CASQ2: variants seen among roughly 807,000 people sequenced by gnomAD.
The protein encoded by CASQ2 is calsequestrin 2, also known as calsequestrin-2.
Under a neutral mutation model 46.5 loss-of-function variants are expected in CASQ2, and 49 were observed. That is an observed-to-expected ratio of 1.05 (90% CI 0.84 to 1.34). CASQ2 has a LOEUF of 1.34. CASQ2 is among the 40% of genes most tolerant of loss of function. CASQ2 has a pLI of 0.00. For synonymous variants in CASQ2, 174 were observed against 168.5 expected, an observed-to-expected ratio of 1.03 and a Z score of -0.25; for missense variants, 486 against 481.3, an observed-to-expected ratio of 1.01 and a Z score of -0.09.
chr1:115,743,982 C>CAAAA (rs11462500), intron 2 of CASQ2, among the ~76,000 whole-genome samples: 1 of 149,116 alleles, frequency 6.7e-6, no homozygotes, highest in African/African-American at 2.5e-5. Context: ...CATAAAAATA[C>CAAAA]AAAAAAAAAA....
chr1:115,739,234 C>T (rs999406654), intron 3 of CASQ2, among the ~76,000 whole-genome samples: 26 of 150,712 alleles, frequency 1.7e-4, no homozygotes, highest in African/African-American at 4.8e-4. Context: ...GCCTTAGCCT[C>T]CCGAGTAGCT....
At chr1:115,708,308 G>A (rs1170313019) in intron 8 of CASQ2, among the ~76,000 whole-genome samples, 1 of 152,142 alleles carries the variant, frequency 6.6e-6, no homozygotes, top group Non-Finnish European at 1.5e-5. Context: ...AAATAAGGTT[G>A]ACATTAAAGC....
intron 1 of CASQ2, among the ~76,000 whole-genome samples, chr1:115,762,153 T>C (rs1360251796): frequency 6.6e-6 from 1 of 152,176 alleles, no homozygotes; most frequent in African/African-American, 2.4e-5. Context: ...TGGTTCAACT[T>C]CCAAGAAGAT....
chr1:115,759,567 T>G (rs1181690916), intron 1 of CASQ2, among the ~76,000 whole-genome samples: 1 of 152,208 alleles, frequency 6.6e-6, no homozygotes, highest in Non-Finnish European at 1.5e-5. Context: ...GTAAACCTCT[T>G]TTTATAGATG....
At chr1:115,732,418 C>T (rs1424909456) in intron 5 of CASQ2, among the ~76,000 whole-genome samples, 2 of 152,216 alleles carry the variant, frequency 1.3e-5, no homozygotes, top group Non-Finnish European at 2.9e-5. Flanking sequence ...TGAATGCAAT[C>T]TCATCCCACC....
At chr1:115,765,639 A>G (rs1052363185) in intron 1 of CASQ2, among the ~76,000 whole-genome samples, 7 of 152,172 alleles carry the variant, frequency 4.6e-5, no homozygotes, top group Non-Finnish European at 8.8e-5. Context: ...TATAGTTCAT[A>G]TGAAATTTTT....
chr1:115,702,828 G>A, intron 10 of CASQ2, 93 bp downstream of exon 10: 1 of 981,216 alleles, frequency 1.0e-6, no homozygotes, highest in Non-Finnish European at 1.6e-6. Context: ...TGAAAAGGCT[G>A]GGCTACTATA....
At chr1:115,736,612 A>C (rs1557796304) in intron 4 of CASQ2, among the ~76,000 whole-genome samples, 2 of 152,146 alleles carry the variant, frequency 1.3e-5, no homozygotes, top group Non-Finnish European at 2.9e-5. Flanking sequence ...ACTCCAGCCT[A>C]GGCAACAGAG....
chr1:115,729,232 T>G (rs1034660870), intron 5 of CASQ2, among the ~76,000 whole-genome samples: 16 of 152,008 alleles, frequency 1.1e-4, no homozygotes, highest in African/African-American at 3.9e-4. Flanking sequence ...GTATTTTTAG[T>G]AGAGATGGGG....
chr1:115,707,346 G>A (rs1249016884), intron 8 of CASQ2, among the ~76,000 whole-genome samples: 1 of 152,150 alleles, frequency 6.6e-6, no homozygotes, highest in Non-Finnish European at 1.5e-5. Flanking sequence ...CTTTATGGCC[G>A]GTGGCCACTT....
At chr1:115,707,448 C>G (rs187501242) in intron 8 of CASQ2, among the ~76,000 whole-genome samples, 1 of 152,230 alleles carries the variant, frequency 6.6e-6, no homozygotes, top group East Asian at 1.9e-4. Flanking sequence ...CGGAGACTGA[C>G]AGGGCCCTAA....
chr1:115,736,402 T>A (rs960327281), intron 4 of CASQ2, among the ~76,000 whole-genome samples: 3 of 151,802 alleles, frequency 2.0e-5, no homozygotes, highest in Non-Finnish European at 4.4e-5. Context: ...TTTGGGAGGC[T>A]GAGGCGGGTG....
chr1:115,739,757 G>A lies in CASQ2; in HGVS notation c.420+971C>T, dbSNP rs566199466. On this transcript the variant is annotated intron_variant, in intron 3 of 10. Coordinates refer to ENST00000261448, the MANE Select transcript of CASQ2 (RefSeq NM_001232.4). ...AAAAATGGAGGCAGTGTCTGGATTCGATCAAGTCTAAAGTCTCCTCTAACT... is the reference window on the plus strand; with the variant it reads ...AAAAATGGAGGCAGTGTCTGGATTCAATCAAGTCTAAAGTCTCCTCTAACT... Among the ~76,000 whole-genome samples the A allele has an allele frequency of 1.1e-4, 17 of 152,306 alleles. No homozygotes were observed. In the East Asian group the frequency reaches 1.9e-3, roughly 17 times the overall value.
intron 1 of CASQ2, among the ~76,000 whole-genome samples, chr1:115,747,315 C>T (rs540575533): frequency 1.3e-5 from 2 of 152,288 alleles, no homozygotes; most frequent in African/African-American, 4.8e-5. Flanking sequence ...TTTCTCGATT[C>T]TGTTCCATTG....
chr1:115,747,694 G>A (rs1315140083), intron 1 of CASQ2, among the ~76,000 whole-genome samples: 1 of 152,068 alleles, frequency 6.6e-6, no homozygotes, highest in African/African-American at 2.4e-5. Context: ...CACACATTTT[G>A]TTAGATTTAT....
chr1:115,718,082 C>A (rs1317109723), intron 7 of CASQ2, among the ~76,000 whole-genome samples, 188 bp from the exon 8 acceptor site: 1 of 152,130 alleles, frequency 6.6e-6, no homozygotes, highest in Non-Finnish European at 1.5e-5. Flanking sequence ...TGAGGAGCAA[C>A]TGCCAGGAAT....
At chr1:115,766,154 T>G (rs1649126684) in intron 1 of CASQ2, among the ~76,000 whole-genome samples, 1 of 152,208 alleles carries the variant, frequency 6.6e-6, no homozygotes, top group Non-Finnish European at 1.5e-5. Flanking sequence ...ACAGCTGGCA[T>G]CATCAGACCC....
At chr1:115,753,161 C>A (rs190583330) in intron 1 of CASQ2, among the ~76,000 whole-genome samples, 1 of 152,112 alleles carries the variant, frequency 6.6e-6, no homozygotes, top group Non-Finnish European at 1.5e-5. Flanking sequence ...CAGCCCAGAC[C>A]CGGAGGTGCT....
chr1:115,708,514 T>C (rs1021498460), intron 8 of CASQ2, among the ~76,000 whole-genome samples: 2 of 152,180 alleles, frequency 1.3e-5, no homozygotes, highest in Non-Finnish European at 2.9e-5. Context: ...GGATGTACCC[T>C]TAGAGTGTGA....
Sources: gnomAD v4.1 joint callset for allele counts (sites outside exome capture counted in the v4.1 genomes callset) on GRCh38, gnomAD v4.1.1 for gene constraint, MANE v1.5 for transcripts, NCBI Gene and HGNC (gene_info 2026-07-23, HGNC 2026-07-21) for gene names.